The following EPCIP variants were observed in gnomAD, a reference collection of about 807,000 sequenced individuals.
The protein encoded by EPCIP is exosomal polycystin-1-interacting protein.
At chr21:32,809,182 C>CGT in the EPCIP span, among the ~76,000 whole-genome samples, 12,688 of 120,996 alleles carry the variant, frequency 0.1, 1,210 homozygotes, top group Middle Eastern at 0.19. Flanking sequence ...TCGAGGGGTG[C>CGT]GTGTGTGTGT....
chr21:32,811,161 C>T, the EPCIP span, among the ~76,000 whole-genome samples: 2 of 149,694 alleles, frequency 1.3e-5, no homozygotes, highest in Non-Finnish European at 3.0e-5. Flanking sequence ...GACCGAGTCT[C>T]AGTCTGTCAC....
chr21:32,794,737 CAGTG>C, the EPCIP span, among the ~76,000 whole-genome samples: 2 of 152,196 alleles, frequency 1.3e-5, no homozygotes, highest in East Asian at 3.8e-4. Flanking sequence ...TGTTGGCTGA[CAGTG>C]AGACCAACAT....
At chr21:32,807,448 T>A in the EPCIP span, among the ~76,000 whole-genome samples, 1 of 151,216 alleles carries the variant, frequency 6.6e-6, no homozygotes, top group Admixed American at 6.6e-5. Flanking sequence ...TTCTCCTGCC[T>A]CAGCCTCCCG....
the EPCIP span, among the ~76,000 whole-genome samples, chr21:32,801,361 A>G: frequency 1.3e-5 from 2 of 152,218 alleles, no homozygotes; most frequent in African/African-American, 4.8e-5. Flanking sequence ...GAAAATGAGA[A>G]ATCAACATTT....
At chr21:32,812,586 T>A in the EPCIP span, among the ~76,000 whole-genome samples, 2 of 152,110 alleles carry the variant, frequency 1.3e-5, no homozygotes, top group Admixed American at 1.3e-4. Context: ...TAATGAAAAG[T>A]CTTTTTTTTT....
the EPCIP span, among the ~76,000 whole-genome samples, chr21:32,810,400 C>T: frequency 4.0e-5 from 6 of 149,946 alleles, no homozygotes; most frequent in Admixed American, 1.3e-4. Context: ...GGACTACAGG[C>T]GCCCACCACC....
chr21:32,797,657 C>G, the EPCIP span: 78 of 152,248 alleles, frequency 5.1e-4, no homozygotes, highest in African/African-American at 1.8e-3. Flanking sequence ...TAGCACATAG[C>G]AAGGACTCAA....
the EPCIP span, among the ~76,000 whole-genome samples, chr21:32,813,389 G>A: frequency 6.6e-6 from 1 of 152,082 alleles, no homozygotes; most frequent in African/African-American, 2.4e-5. Context: ...TCATATGCCT[G>A]GAAGCCTAAA....
At chr21:32,790,767 G>T in the EPCIP span, 1 of 152,250 alleles carries the variant, frequency 6.6e-6, no homozygotes, top group Non-Finnish European at 1.5e-5. Context: ...TTGGAGAGCT[G>T]CTGGTTAAAC....
At chr21:32,807,176 C>G in the EPCIP span, among the ~76,000 whole-genome samples, 1 of 152,118 alleles carries the variant, frequency 6.6e-6, no homozygotes, top group Non-Finnish European at 1.5e-5. Flanking sequence ...ATCAGGGGGT[C>G]AGGTTTCTGA....
the EPCIP span, chr21:32,793,796 C>G: frequency 1.9e-6 from 3 of 1,614,046 alleles, no homozygotes; most frequent in Non-Finnish European, 2.5e-6. Context: ...GCTTTTGTTG[C>G]TTGGCATTGG....
the EPCIP span, chr21:32,794,074 G>T: frequency 6.2e-7 from 1 of 1,614,194 alleles, no homozygotes; most frequent in African/African-American, 1.3e-5. Context: ...AAATAGCCAG[G>T]TATTCAGTGG....
chr21:32,813,131 T>A, the EPCIP span, among the ~76,000 whole-genome samples: 1 of 152,104 alleles, frequency 6.6e-6, no homozygotes, highest in Non-Finnish European at 1.5e-5. Context: ...TCACTTTTCT[T>A]TGTTTGTGAT....
chr21:32,812,445 C>A, the EPCIP span, among the ~76,000 whole-genome samples: 1 of 152,074 alleles, frequency 6.6e-6, no homozygotes, highest in Non-Finnish European at 1.5e-5. Flanking sequence ...CAGCTTTAAG[C>A]AGTGAAAAAT....
At chr21:32,808,413 T>C in the EPCIP span, among the ~76,000 whole-genome samples, 1 of 152,242 alleles carries the variant, frequency 6.6e-6, no homozygotes, top group Non-Finnish European at 1.5e-5. Flanking sequence ...TCCCGTAAAG[T>C]ACCTGCACTA....
At chr21:32,808,093 C>G in the EPCIP span, among the ~76,000 whole-genome samples, 2 of 152,204 alleles carry the variant, frequency 1.3e-5, no homozygotes, top group Non-Finnish European at 2.9e-5. Context: ...GTGAGCATCA[C>G]GAAGCCATTC....
At chr21:32,793,837 G>A in the EPCIP span, 1 of 1,614,154 alleles carries the variant, frequency 6.2e-7, no homozygotes, top group Non-Finnish European at 8.5e-7. Context: ...AGTCAGGAAA[G>A]TTGTTGGCAA....
the EPCIP span, among the ~76,000 whole-genome samples, chr21:32,812,496 T>C: frequency 1.3e-5 from 2 of 152,226 alleles, no homozygotes; most frequent in Admixed American, 1.3e-4. Context: ...AAGTCAGCTC[T>C]TGAAAAGCAC....
chr21:32,809,178 G>GGTTCGT, the EPCIP span, among the ~76,000 whole-genome samples: 1 of 69,724 alleles, frequency 1.4e-5, no homozygotes, highest in South Asian at 5.8e-4. Context: ...AGCCTCGAGG[G>GGTTCGT]GTGCGTGTGT....
Sources: gnomAD v4.1 joint callset for allele counts (sites outside exome capture counted in the v4.1 genomes callset) on GRCh38, gnomAD v4.1.1 for gene constraint, MANE v1.5 for transcripts, NCBI Gene and HGNC (gene_info 2026-07-23, HGNC 2026-07-21) for gene names.